PRUNE2: variants seen among roughly 807,000 people sequenced by gnomAD.
The protein encoded by PRUNE2 is protein prune homolog 2.
Under a neutral mutation model 252.0 loss-of-function variants are expected in PRUNE2, and 164 were observed. The observed-to-expected ratio is 0.65, with a 90% CI of 0.57 to 0.74. The LOEUF (loss-of-function observed/expected upper bound fraction) is 0.74, where lower values mean the gene tolerates loss of function less well. Among genes scored for constraint, PRUNE2 ranks in the 30% least tolerant of loss-of-function variants. The probability of loss-of-function intolerance (pLI) is 0.00; values close to 1 mark genes in which losing one functional copy is unlikely to be tolerated. For synonymous variants in PRUNE2, 1,292 were observed against 1,350.2 expected, an observed-to-expected ratio of 0.96 and a Z score of 0.94; for missense variants, 3,495 against 3,711.0, an observed-to-expected ratio of 0.94 and a Z score of 1.51.
chr9:76,859,162 A>G (rs1234310106), intron 1 of PRUNE2, among the ~76,000 whole-genome samples: 1 of 152,218 alleles, frequency 6.6e-6, no homozygotes, highest in African/African-American at 2.4e-5. Flanking sequence ...TACACTTCCA[A>G]AATAGATGGA....
intron 6 of PRUNE2, chr9:76,733,632 T>C (rs1372945977): frequency 2.0e-5 from 3 of 152,150 alleles, no homozygotes; most frequent in Non-Finnish European, 4.4e-5. Flanking sequence ...CTTGAACTCC[T>C]GAGTTCAAAT....
chr9:76,641,464 TA>T (rs1163025044), intron 12 of PRUNE2, among the ~76,000 whole-genome samples: 1 of 152,168 alleles, frequency 6.6e-6, no homozygotes, highest in Non-Finnish European at 1.5e-5. Flanking sequence ...AATTTAAATT[TA>T]AAAAATCAGA....
intron 1 of PRUNE2, among the ~76,000 whole-genome samples, chr9:76,885,188 T>C (rs1341622688): frequency 6.6e-6 from 1 of 152,244 alleles, no homozygotes; most frequent in Non-Finnish European, 1.5e-5. Context: ...ATTTAAAATA[T>C]GTGTAAAACT....
intron 15 of PRUNE2, among the ~76,000 whole-genome samples, chr9:76,634,464 AC>A (rs1839136324): frequency 6.6e-6 from 1 of 152,212 alleles, no homozygotes; most frequent in South Asian, 2.1e-4. Context: ...TTTTGCAAAG[AC>A]TAGCTGAGTC....
intron 4 of PRUNE2, among the ~76,000 whole-genome samples, chr9:76,832,725 T>C (rs1351050185): frequency 6.6e-6 from 1 of 151,528 alleles, no homozygotes; most frequent in Non-Finnish European, 1.5e-5. Context: ...CAAACACATA[T>C]GGAAGAAATC....
chr9:76,708,982 A>G lies in PRUNE2; in HGVS notation c.3292T>C (p.Leu1098=), dbSNP rs2046510517. 2.5e-6 allele frequency: 4 copies of G among 1,613,930 alleles called. No homozygotes were observed. The African/African-American group carries it at 4.0e-5, about 16-fold the overall frequency. Residue 1098 remains leucine, a synonymous_variant, in exon 8 of 19, where the codon TTG becomes CTG. Coordinates refer to ENST00000376718, the MANE Select transcript of PRUNE2 (RefSeq NM_015225.3). ...TGCCGGGAGTTGGTGCTGCTGTGCAAAAGTGTGAGTTGTCGGTTTGTTTCA... is the reference window on the plus strand; with the variant it reads ...TGCCGGGAGTTGGTGCTGCTGTGCAGAAGTGTGAGTTGTCGGTTTGTTTCA... ...YNETNRQLTL[L]HSSTNSRQTA...
chr9:76,770,174 T>C (rs1023834459), intron 6 of PRUNE2, among the ~76,000 whole-genome samples: 2 of 152,182 alleles, frequency 1.3e-5, no homozygotes, highest in African/African-American at 4.8e-5. Flanking sequence ...ATAGTAAAAC[T>C]TTTTGACTTC....
intron 4 of PRUNE2, among the ~76,000 whole-genome samples, chr9:76,838,175 T>C (rs934367800): frequency 6.6e-5 from 10 of 152,072 alleles, no homozygotes; most frequent in Non-Finnish European, 1.5e-5. Context: ...TTTTCTCTTT[T>C]ATTATACTGC....
chr9:76,867,197 C>A (rs1232409516), intron 1 of PRUNE2, among the ~76,000 whole-genome samples: 1 of 151,420 alleles, frequency 6.6e-6, no homozygotes, highest in East Asian at 1.9e-4. Context: ...ACAACACCAT[C>A]AACCCCCCGC....
chr9:76,816,291 T>C (rs1294188483), intron 6 of PRUNE2, among the ~76,000 whole-genome samples: 1 of 152,188 alleles, frequency 6.6e-6, no homozygotes, highest in East Asian at 1.9e-4. Context: ...ATTATCAGCT[T>C]CAGCCACTTA....
At chr9:76,860,706 G>C (rs2060500104) in intron 1 of PRUNE2, among the ~76,000 whole-genome samples, 1 of 152,222 alleles carries the variant, frequency 6.6e-6, no homozygotes, top group African/African-American at 2.4e-5. Flanking sequence ...AGAAGTTGGA[G>C]ATTCACTTTC....
intron 16 of PRUNE2, among the ~76,000 whole-genome samples, chr9:76,627,117 T>C (rs1835174059): frequency 6.7e-6 from 1 of 150,310 alleles, no homozygotes; most frequent in African/African-American, 2.4e-5. Context: ...TTCTTCTTTT[T>C]TGAGACAGCG....
rs1403193848 is a variant in PRUNE2, at chr9:76,612,153, C to A, written c.*2417G>T. 5 of 152,122 alleles carry A rather than the reference C, an allele frequency of 3.3e-5. No individual in the cohort carries two copies. Among genetic ancestry groups the A allele is most frequent in the Non-Finnish European group, 5.9e-5 (4 of 68,024 alleles). The allele number at this position is 152,122 out of a possible 1,614,324, so 9.4% of individuals were successfully genotyped here. A position where few individuals can be genotyped will look rare whatever the true frequency, so the allele number is the denominator to read the frequency against. The stretch of plus-strand genomic sequence containing the variant: ...TTTTAAGATAATAAAATAGCAGATA[C>A]CTAAATATCAGAGTGGTTATGCAGC... On this transcript the variant is annotated 3_prime_UTR_variant, in exon 19 of 19. Transcript: ENST00000376718.
Position 76,846,774 on chromosome 9 carries a change from C to T in PRUNE2, c.345-96G>A, listed in dbSNP as rs1008497791. ...TCTCTGCTCTCACACAAATGGCTTC[C>T]TCTCAATGACCAAAAATATGAGGGA... On this transcript the variant is annotated intron_variant, in intron 3 of 18. Transcript: ENST00000376718. The T allele has an allele frequency of 2.7e-5, 27 of 985,236 alleles. No homozygotes were observed. The African/African-American group carries it at 4.0e-4, about 15-fold the overall frequency. The allele number at this position is 985,236 out of a possible 1,614,324, so 61.0% of individuals were successfully genotyped here.
chr9:76,768,593 G>GTGTGTGTC (rs2052721112), intron 6 of PRUNE2, among the ~76,000 whole-genome samples: 2 of 142,610 alleles, frequency 1.4e-5, no homozygotes, highest in South Asian at 4.3e-4. Context: ...ATGTGTGTGT[G>GTGTGTGTC]TGTGTGTGTG....
chr9:76,754,476 T>G (rs986769837), intron 6 of PRUNE2, among the ~76,000 whole-genome samples: 1 of 152,204 alleles, frequency 6.6e-6, no homozygotes, highest in African/African-American at 2.4e-5. Context: ...ATGAACATCA[T>G]TTTCTAAGGA....
At chr9:76,891,099 G>A (rs954056835) in intron 1 of PRUNE2, among the ~76,000 whole-genome samples, 3 of 152,144 alleles carry the variant, frequency 2.0e-5, no homozygotes, top group African/African-American at 4.8e-5. Context: ...TTGAAAGAGC[G>A]GAATTTAGCT....
At chr9:76,774,849 A>T (rs1450822843) in intron 6 of PRUNE2, among the ~76,000 whole-genome samples, 3 of 152,196 alleles carry the variant, frequency 2.0e-5, no homozygotes, top group African/African-American at 7.2e-5. Flanking sequence ...TAGTGAAAAG[A>T]TTGTAGATTT....
chr9:76,619,961 A>G (rs2131977742), intron 17 of PRUNE2, among the ~76,000 whole-genome samples: 1 of 152,314 alleles, frequency 6.6e-6, no homozygotes, highest in East Asian at 1.9e-4. Context: ...ATGCCCAGAA[A>G]ACAAATGTAA....
Sources: allele counts gnomAD v4.1 joint callset (sites outside exome capture counted in the v4.1 genomes callset), GRCh38; gene constraint gnomAD v4.1.1; transcripts MANE v1.5; gene names NCBI Gene and HGNC (gene_info 2026-07-23, HGNC 2026-07-21).